The following NDRG4 variants were observed in gnomAD, a reference collection of about 807,000 sequenced individuals.
The protein encoded by NDRG4 is NDRG family member 4.
In NDRG4, 38 loss-of-function variants were observed where a neutral mutation model predicts 55.8. The ratio of observed to expected loss-of-function variants is 0.68; its 90% CI spans 0.53 to 0.89. NDRG4 has a LOEUF of 0.89. NDRG4 is among the 40% of genes least tolerant of loss of function. The pLI, the probability that NDRG4 is intolerant of heterozygous loss-of-function variation, is 0.00. For synonymous variants in NDRG4, 190 were observed against 182.7 expected (o/e 1.04, Z -0.32); for missense variants, 455 against 468.6 (o/e 0.97, Z 0.27).
At chr16:58,509,723 C>T (rs1349191896) in intron 13 of NDRG4, among the ~76,000 whole-genome samples, 1 of 152,164 alleles carries the variant, frequency 6.6e-6, no homozygotes, top group Non-Finnish European at 1.5e-5. Context: ...CCTCACCCGC[C>T]CCAGGGCTTG....
chr16:58,485,467 A>AG (rs965545105), intron 1 of NDRG4, among the ~76,000 whole-genome samples: 3 of 151,844 alleles, frequency 2.0e-5, no homozygotes, highest in Non-Finnish European at 2.9e-5. Context: ...AGGCCGGGGG[A>AG]GGGGGGCTAC....
intron 1 of NDRG4, among the ~76,000 whole-genome samples, chr16:58,466,164 G>A (rs140370477): frequency 2.0e-5 from 3 of 152,152 alleles, no homozygotes; most frequent in Non-Finnish European, 4.4e-5. Flanking sequence ...TTACAGGCAC[G>A]CGCCACCATG....
At chr16:58,484,494 T>C (rs193003020) in intron 1 of NDRG4, among the ~76,000 whole-genome samples, 2 of 152,348 alleles carry the variant, frequency 1.3e-5, no homozygotes, top group Non-Finnish European at 2.9e-5. Flanking sequence ...AGCAAGCTGT[T>C]GAATGATAGA....
In NDRG4 at chr16:58,464,258, G is replaced by A. The variant is rs1466716125; in HGVS notation, c.-24+461G>A. 1 of 467,516 alleles carries A rather than the reference G, an allele frequency of 2.1e-6. No homozygotes were observed. The highest frequency in any genetic ancestry group is 3.5e-6 in the Non-Finnish European group (1 of 283,086). 29.0% of individuals were successfully genotyped at this position (467,516 alleles called of 1,614,324 possible). A position where few individuals can be genotyped will look rare whatever the true frequency, so the allele number is the denominator to read the frequency against. On this transcript the variant is annotated intron_variant, in intron 1 of 15. Transcript: ENST00000258187. This position sits in a 1 kb window ranked among gnomAD's most constrained non-coding sequence, Gnocchi z 4.8. ...GGATTTTTTTAAACCGTTTTGGAGGGGGGAGCGCGGCGTTGGGGGCGGGAG... is the reference window on the plus strand; with the variant it reads ...GGATTTTTTTAAACCGTTTTGGAGGAGGGAGCGCGGCGTTGGGGGCGGGAG...
upstream of NDRG4, chr16:58,495,617 C>T (rs751083327): frequency 2.0e-5 from 3 of 152,914 alleles, no homozygotes; most frequent in Non-Finnish European, 4.4e-5. Context: ...TTGGGTCAGC[C>T]TCCAAGCCCC....
At chr16:58,470,447 G>A (rs1016755597) in intron 1 of NDRG4, among the ~76,000 whole-genome samples, 1 of 152,192 alleles carries the variant, frequency 6.6e-6, no homozygotes, top group Non-Finnish European at 1.5e-5. Context: ...GAAGGAGGCT[G>A]TGTTGGGCTG....
At chr16:58,470,598 A>G (rs1360624244) in intron 1 of NDRG4, among the ~76,000 whole-genome samples, 1 of 152,180 alleles carries the variant, frequency 6.6e-6, no homozygotes, top group African/African-American at 2.4e-5. Flanking sequence ...AAGTGCAACC[A>G]CATGTGTTTT....
chr16:58,477,156 T>C (rs975276448), intron 1 of NDRG4, among the ~76,000 whole-genome samples: 3 of 151,088 alleles, frequency 2.0e-5, no homozygotes, highest in Admixed American at 6.6e-5. Context: ...GATATATATA[T>C]ATGTGATATA....
chr16:58,495,691 T>C (rs989012074), upstream of NDRG4: 1 of 152,622 alleles, frequency 6.6e-6, no homozygotes, highest in Non-Finnish European at 1.5e-5. Context: ...GCCCTTTGGC[T>C]CGTCCCCCAG....
chr16:58,505,218 G>A (rs974008940), intron 5 of NDRG4, among the ~76,000 whole-genome samples: 14 of 151,654 alleles, frequency 9.2e-5, no homozygotes, highest in East Asian at 7.8e-4. Flanking sequence ...GCGTAGTGGC[G>A]GGCGCCTGTA....
intron 1 of NDRG4, among the ~76,000 whole-genome samples, chr16:58,469,340 G>A (rs1471701459): frequency 6.6e-6 from 1 of 150,968 alleles, no homozygotes; most frequent in East Asian, 2.0e-4. Context: ...TCCCTTGGAG[G>A]AGAGGAGAGA....
intron 5 of NDRG4, among the ~76,000 whole-genome samples, chr16:58,505,708 A>ATTTTTTTTTTTTTTTTTT (rs869263659): frequency 1.4e-5 from 1 of 70,626 alleles, no homozygotes; most frequent in Non-Finnish European, 2.7e-5. Context: ...TGAGGGCTTC[A>ATTTTTTTTTTTTTTTTTT]TTTTCTTTTT....
intron 2 of NDRG4, among the ~76,000 whole-genome samples, chr16:58,489,921 T>C (rs2035573722): frequency 6.6e-6 from 1 of 152,150 alleles, no homozygotes; most frequent in Non-Finnish European, 1.5e-5. Context: ...CATAGCCCAC[T>C]GCAGCCTCAA....
intron 5 of NDRG4, among the ~76,000 whole-genome samples, chr16:58,505,102 C>T (rs1284887471): frequency 3.9e-5 from 6 of 152,152 alleles, no homozygotes; most frequent in Non-Finnish European, 7.3e-5. Context: ...GTAATCCCAG[C>T]ACTTTGGGAG....
At chr16:58,465,442 G>A (rs1012874175) in intron 1 of NDRG4, among the ~76,000 whole-genome samples, 5 of 152,046 alleles carry the variant, frequency 3.3e-5, no homozygotes, top group African/African-American at 1.2e-4. Context: ...GAAGGAGGTG[G>A]CATTATGGGT....
intron 5 of NDRG4, chr16:58,505,885 C>T: frequency 4.1e-6 from 1 of 244,852 alleles, no homozygotes. Flanking sequence ...CCACGCCTGG[C>T]TAATTTTTGT....
intron 2 of NDRG4, among the ~76,000 whole-genome samples, chr16:58,488,495 C>A (rs2035396322): frequency 6.6e-6 from 1 of 152,114 alleles, no homozygotes; most frequent in Non-Finnish European, 1.5e-5. Flanking sequence ...AAACCACTTT[C>A]AAAAAGTGTG....
intron 2 of NDRG4, 118 bp from the exon 3 acceptor site, chr16:58,504,036 C>G: frequency 2.5e-6 from 4 of 1,577,776 alleles, no homozygotes; most frequent in Non-Finnish European, 3.5e-6. Context: ...CTCCGGGCCT[C>G]CATTTCCCCG....
rs2037487498 is a variant in NDRG4 at position 58,503,908 on chromosome 16, G to A, written c.127+5G>A. ...ACCATGATGTGGGCCTCAACCGTAA[G>A]TGCAGCCCAGCCTCAGTCAGCCCTC... On this transcript the variant is annotated splice_donor_5th_base_variant and intron_variant, in intron 2 of 14. Transcript: ENST00000570248. 1 of 1,613,362 alleles carries A rather than the reference G, an allele frequency of 6.2e-7. No individual in the cohort carries two copies. The highest frequency in any genetic ancestry group is 8.5e-7 in the Non-Finnish European group (1 of 1,179,978).
Sources: allele counts gnomAD v4.1 joint callset (sites outside exome capture counted in the v4.1 genomes callset), GRCh38; gene constraint gnomAD v4.1.1; non-coding constraint Gnocchi (gnomAD v3.1); transcripts MANE v1.5; gene names NCBI Gene and HGNC (gene_info 2026-07-23, HGNC 2026-07-21).